The following TCF7L1 variants were observed in gnomAD, a reference collection of about 807,000 sequenced individuals.
The protein encoded by TCF7L1 is transcription factor 7-like 1.
A neutral mutation model predicts 63.7 loss-of-function variants in TCF7L1; 18 were observed. That is an observed-to-expected ratio of 0.28 (90% CI 0.20 to 0.42). The LOEUF is 0.42. Ranked by LOEUF, TCF7L1 falls within the 10% of genes least tolerant of loss-of-function variation. The pLI is 1.00. For synonymous variants in TCF7L1, 355 were observed against 340.9 expected, an observed-to-expected ratio of 1.04 and a Z score of -0.46; for missense variants, 654 against 779.3, an observed-to-expected ratio of 0.84 and a Z score of 1.91.
intron 3 of TCF7L1, among the ~76,000 whole-genome samples, chr2:85,142,224 C>T (rs923683644): frequency 6.6e-6 from 1 of 151,922 alleles, no homozygotes; most frequent in African/African-American, 2.4e-5. Context: ...CTCACGAGTT[C>T]GAGAGCAGCC....
rs199724004 is a variant in TCF7L1 at position 85,283,533 on chromosome 2, C to G, written c.480C>G (p.Ser160=). The change falls in exon 4 of 12, where the codon TCC becomes TCG. Residue 160 remains serine (S), a synonymous_variant. Transcript: ENST00000282111. The part of the protein sequence containing the change: ...QMKWPLLDVP[S]SATVKDTRSP... ...AATGGCCCCTCCTCGATGTCCCCTC[C>G]AGCGCCACAGTCAAGGACACGAGGT... 1 of 1,614,174 alleles carries G rather than the reference C, an allele frequency of 6.2e-7. No individual in the cohort carries two copies. The highest frequency in any genetic ancestry group is 1.7e-5 in the Admixed American group (1 of 60,024).
chr2:85,267,664 A>G lies in TCF7L1; in HGVS notation c.442-15831A>G, dbSNP rs941737717. On this transcript the variant is annotated intron_variant, in intron 3 of 11. Transcript: ENST00000282111. ...GACTCTGTCTCAAAAAAAAAAAAAA[A>G]AAAGAGTTGGCTTTTGGGTTTGGGA... Among the ~76,000 whole-genome samples, 268 of 151,846 alleles carry G rather than the reference A, an allele frequency of 1.8e-3. 1 individual carries two copies. The highest frequency in any genetic ancestry group is 6.1e-3 in the African/African-American group (252 of 41,408).
chr2:85,247,279 A>T (rs2104331445), intron 3 of TCF7L1, among the ~76,000 whole-genome samples: 1 of 152,310 alleles, frequency 6.6e-6, no homozygotes, highest in Non-Finnish European at 1.5e-5. Context: ...ATACAAACAC[A>T]TTCACTCATA....
chr2:85,173,797 C>A lies in TCF7L1; in HGVS notation c.441+39347C>A, dbSNP rs375639831. ...TGTTGCCTAGGCTGGAGTGCAATGG[C>A]GCGATCTCGGCTCACTGCAACCTCT... On this transcript the variant is annotated intron_variant, in intron 3 of 11. Coordinates refer to ENST00000282111, the MANE Select transcript of TCF7L1 (RefSeq NM_031283.3). Among the ~76,000 whole-genome samples the A allele has an allele frequency of 2.6e-5, 4 of 151,620 alleles. No individual in the cohort carries two copies. The South Asian group carries it at 6.2e-4, about 24-fold the overall frequency.
At chr2:85,294,418 C>T (rs886616709) in intron 4 of TCF7L1, among the ~76,000 whole-genome samples, 10 of 152,196 alleles carry the variant, frequency 6.6e-5, no homozygotes, top group East Asian at 1.9e-4. Flanking sequence ...CAGTGGGTCG[C>T]GGTAGGTCGA....
chr2:85,173,332 G>T (rs1264064316), intron 3 of TCF7L1, among the ~76,000 whole-genome samples: 1 of 152,086 alleles, frequency 6.6e-6, no homozygotes, highest in East Asian at 1.9e-4. Context: ...CGGAGGGGGT[G>T]GGGGGCTCCA....
intron 3 of TCF7L1, among the ~76,000 whole-genome samples, chr2:85,176,079 C>T (rs750680177): frequency 2.6e-5 from 4 of 152,242 alleles, no homozygotes; most frequent in Non-Finnish European, 5.9e-5. Context: ...AGGTACTCCC[C>T]ACCTTTCTGT....
At chr2:85,285,390 C>CA (rs1681521865) in intron 4 of TCF7L1, among the ~76,000 whole-genome samples, 1 of 152,200 alleles carries the variant, frequency 6.6e-6, no homozygotes. Context: ...TGGGAGTTTA[C>CA]AGTGGGATCT....
rs772462201 is a variant in TCF7L1 at position 85,306,536 on chromosome 2, A to G, written c.1234A>G (p.Thr412Ala). 8 of 1,614,184 alleles carry G rather than the reference A, an allele frequency of 5.0e-6. No individual in the cohort carries two copies. Among genetic ancestry groups the G allele is most frequent in the Non-Finnish European group, 6.8e-6 (8 of 1,180,032 alleles). ...GCAGCTTCACTCGCAGCTCTACCCA[A>G]CCTGGTCAGCCCGGGACAACTATGT... ...ERQLHSQLYP[T>A]WSARDNYGKK... The change falls in exon 10 of 12, where the codon ACC (threonine) becomes GCC (alanine). Residue 412 changes from threonine to alanine, a missense_variant. Coordinates refer to ENST00000282111, the MANE Select transcript of TCF7L1 (RefSeq NM_031283.3). The surrounding 1 kb of genome is among the most constrained non-coding windows in gnomAD (Gnocchi z 4.3).
At chr2:85,249,405 A>G (rs2104333566) in intron 3 of TCF7L1, among the ~76,000 whole-genome samples, 1 of 152,286 alleles carries the variant, frequency 6.6e-6, no homozygotes, top group East Asian at 1.9e-4. Context: ...GGTTTTCCCT[A>G]GTTGTTCAGC....
intron 4 of TCF7L1, among the ~76,000 whole-genome samples, chr2:85,302,183 C>T (rs963353840): frequency 3.9e-5 from 6 of 152,158 alleles, no homozygotes; most frequent in East Asian, 3.9e-4. Context: ...GATGACACAG[C>T]GCAGATCATC....
At position 85,134,323 on chromosome 2, in the gene TCF7L1, T is replaced by A; in HGVS notation, c.314T>A (p.Val105Glu). The change falls in exon 3 of 12, where the codon GTG becomes GAG. Residue 105 changes from valine (V) to glutamate (E), a missense_variant and splice_region_variant. Physicochemically the swap from Val to Glu is moderately radical, Grantham distance 121. Transcript: ENST00000282111. This position sits in a 1 kb window ranked among gnomAD's most constrained non-coding sequence, Gnocchi z 5.0. ...FQKPRDYFAE[V>E]RRPQDSAFFK... is the part of the protein sequence containing the mutation. ...CACCTCGCCTTGGTCTTGTTCGCAG[T>A]GAGAAGGCCTCAGGACAGCGCGTTC... 1 of 1,582,572 alleles carries A rather than the reference T, an allele frequency of 6.3e-7. No individual in the cohort carries two copies. The highest frequency in any genetic ancestry group is 8.6e-7 in the Non-Finnish European group (1 of 1,163,660).
intron 3 of TCF7L1, among the ~76,000 whole-genome samples, chr2:85,273,785 C>T (rs1159129993): frequency 1.3e-5 from 2 of 152,164 alleles, no homozygotes; most frequent in Admixed American, 6.5e-5. Flanking sequence ...CCTCCTGTAA[C>T]CCAGGAGGAG....
intron 4 of TCF7L1, among the ~76,000 whole-genome samples, chr2:85,292,937 A>G (rs1459397797): frequency 2.0e-5 from 3 of 152,134 alleles, no homozygotes; most frequent in Admixed American, 6.5e-5. Flanking sequence ...TTACATTAGT[A>G]AACATTTCTT....
At chr2:85,154,769 A>G (rs896788092) in intron 3 of TCF7L1, among the ~76,000 whole-genome samples, 1 of 152,038 alleles carries the variant, frequency 6.6e-6, no homozygotes, top group South Asian at 2.1e-4. Flanking sequence ...ACCAGATATA[A>G]GGAAGGCCGT....
Position 85,309,476 on chromosome 2 carries a change from C to A in TCF7L1, c.*14C>A, listed in dbSNP as rs767195967. On this transcript the variant is annotated 3_prime_UTR_variant, in exon 12 of 12. Transcript: ENST00000282111. ...TCTGCCCACTAAGCTCCCCCCGACC[C>A]CTGCAGGCTGTCACATGACTCATTG... 26 of 1,516,774 alleles carry A rather than the reference C, an allele frequency of 1.7e-5. No individual in the cohort carries two copies. The South Asian group carries it at 3.5e-4, about 20-fold the overall frequency. The allele number at this position is 1,516,774 out of a possible 1,614,324, so 94.0% of individuals were successfully genotyped here. A position where few individuals can be genotyped will look rare whatever the true frequency, so the allele number is the denominator to read the frequency against.
intron 3 of TCF7L1, among the ~76,000 whole-genome samples, chr2:85,192,019 C>G (rs1679046035): frequency 6.6e-6 from 1 of 152,030 alleles, no homozygotes; most frequent in African/African-American, 2.4e-5. Context: ...TCACTATGGT[C>G]CCAGAATCCA....
intron 3 of TCF7L1, among the ~76,000 whole-genome samples, chr2:85,155,916 AC>A (rs1678133758): frequency 2.0e-5 from 3 of 152,250 alleles, no homozygotes; most frequent in Non-Finnish European, 4.4e-5. Context: ...CGCAGGCAGA[AC>A]AAAAGGCCCA....
At chr2:85,185,529 A>G (rs1172390957) in intron 3 of TCF7L1, among the ~76,000 whole-genome samples, 2 of 152,154 alleles carry the variant, frequency 1.3e-5, no homozygotes, top group East Asian at 3.9e-4. Context: ...GAGCCAGCCG[A>G]TAGTCTCACA....
Sources: allele counts gnomAD v4.1 joint callset (sites outside exome capture counted in the v4.1 genomes callset), GRCh38; gene constraint gnomAD v4.1.1; non-coding constraint Gnocchi (gnomAD v3.1); transcripts MANE v1.5; gene names NCBI Gene and HGNC (gene_info 2026-07-23, HGNC 2026-07-21).